The following SPMIP4 variants were observed in gnomAD, a reference collection of about 807,000 sequenced individuals.
SPMIP4 encodes sperm-associated microtubule inner protein 4.
the SPMIP4 span, among the ~76,000 whole-genome samples, chr7:25,133,507 C>A: frequency 7.9e-5 from 12 of 152,252 alleles, no homozygotes; most frequent in Non-Finnish European, 2.9e-5. Context: ...CCAAAGTGGT[C>A]ATATTTAGAA....
chr7:25,136,104 A>AGG, the SPMIP4 span: 1 of 1,614,144 alleles, frequency 6.2e-7, no homozygotes, highest in Non-Finnish European at 8.5e-7. The surrounding 1 kb of genome is among the most constrained non-coding windows in gnomAD (Gnocchi z 5.7). Context: ...TTTTTGAAAA[A>AGG]GAGTTCTTAA....
At chr7:25,149,854 T>C in the SPMIP4 span, among the ~76,000 whole-genome samples, 4 of 152,324 alleles carry the variant, frequency 2.6e-5, no homozygotes, top group South Asian at 2.1e-4. Flanking sequence ...GTTTTATGAA[T>C]TGAAGCTCAG....
At chr7:25,173,782 C>G in the SPMIP4 span, among the ~76,000 whole-genome samples, 2 of 152,144 alleles carry the variant, frequency 1.3e-5, no homozygotes, top group East Asian at 3.8e-4. The surrounding 1 kb of genome is among the most constrained non-coding windows in gnomAD (Gnocchi z 4.4). Flanking sequence ...ATCTGACCCC[C>G]GTATATTACA....
the SPMIP4 span, among the ~76,000 whole-genome samples, chr7:25,166,228 G>C: frequency 1.3e-5 from 1 of 75,802 alleles, no homozygotes; most frequent in Non-Finnish European, 3.6e-5. Flanking sequence ...CTTTCTTTCC[G>C]TCTTCTTTTT....
chr7:25,150,738 C>T, the SPMIP4 span, among the ~76,000 whole-genome samples: 740 of 152,312 alleles, frequency 4.9e-3, 29 homozygotes, highest in Admixed American at 0.042. Context: ...AACCAGATTT[C>T]TGTGATCATG....
At chr7:25,162,860 C>T in the SPMIP4 span, among the ~76,000 whole-genome samples, 1 of 152,126 alleles carries the variant, frequency 6.6e-6, no homozygotes, top group South Asian at 2.1e-4. Flanking sequence ...CAACTTCTAC[C>T]TCCTGGGTTC....
chr7:25,142,213 T>A, the SPMIP4 span: 2 of 1,557,148 alleles, frequency 1.3e-6, no homozygotes, highest in South Asian at 1.1e-5. Context: ...TCCCCCAAAA[T>A]AACTGAGAGT....
chr7:25,161,584 T>G, the SPMIP4 span, among the ~76,000 whole-genome samples: 1 of 150,496 alleles, frequency 6.6e-6, no homozygotes, highest in Non-Finnish European at 1.5e-5. Context: ...TTTTCTTTTT[T>G]AAAATGTTAG....
chr7:25,127,037 A>G, the SPMIP4 span, among the ~76,000 whole-genome samples: 4 of 152,238 alleles, frequency 2.6e-5, no homozygotes, highest in South Asian at 2.1e-4. Context: ...AGTTCCACTG[A>G]TAAGTTTGCT....
the SPMIP4 span, among the ~76,000 whole-genome samples, chr7:25,144,308 A>G: frequency 6.6e-6 from 1 of 152,212 alleles, no homozygotes; most frequent in Non-Finnish European, 1.5e-5. Flanking sequence ...AACCTGGAAG[A>G]CCAGGTTTAA....
At chr7:25,130,866 G>A in the SPMIP4 span, among the ~76,000 whole-genome samples, 3 of 152,256 alleles carry the variant, frequency 2.0e-5, no homozygotes, top group Non-Finnish European at 2.9e-5. Flanking sequence ...AAATAGCTAT[G>A]TCAGATTTAT....
chr7:25,150,652 CTT>C, the SPMIP4 span, among the ~76,000 whole-genome samples: 1 of 152,168 alleles, frequency 6.6e-6, no homozygotes, highest in Non-Finnish European at 1.5e-5. Flanking sequence ...TATTTTCCCT[CTT>C]GATTTATAAT....
chr7:25,132,015 G>A, the SPMIP4 span, among the ~76,000 whole-genome samples: 1 of 152,168 alleles, frequency 6.6e-6, no homozygotes, highest in African/African-American at 2.4e-5. This position sits in a 1 kb window ranked among gnomAD's most constrained non-coding sequence, Gnocchi z 5.0. Context: ...AACAAACATG[G>A]ACCAGAAGAG....
At chr7:25,178,804 C>G in the SPMIP4 span, among the ~76,000 whole-genome samples, 5 of 152,024 alleles carry the variant, frequency 3.3e-5, no homozygotes, top group African/African-American at 1.2e-4. Context: ...TTTGGGAGGC[C>G]GAGGTGGGTG....
At chr7:25,126,747 G>C in the SPMIP4 span, among the ~76,000 whole-genome samples, 1 of 152,166 alleles carries the variant, frequency 6.6e-6, no homozygotes, top group African/African-American at 2.4e-5. Context: ...ATAATATTGT[G>C]TGTTTTTCTG....
chr7:25,138,142 A>T, the SPMIP4 span, among the ~76,000 whole-genome samples: 35,960 of 151,208 alleles, frequency 0.24, 4,827 homozygotes, highest in East Asian at 0.31. This position sits in a 1 kb window ranked among gnomAD's most constrained non-coding sequence, Gnocchi z 6.2. Flanking sequence ...ATAATCTTTT[A>T]AAAAAATTCA....
the SPMIP4 span, chr7:25,125,998 G>C: frequency 2.1e-6 from 2 of 967,290 alleles, no homozygotes; most frequent in Non-Finnish European, 2.5e-6. Flanking sequence ...AAATTAAGAG[G>C]ATGCAATGAT....
chr7:25,146,220 A>G, the SPMIP4 span, among the ~76,000 whole-genome samples: 3 of 152,204 alleles, frequency 2.0e-5, no homozygotes, highest in Non-Finnish European at 4.4e-5. Context: ...GCCTCTAGTC[A>G]GGGCTTGGGA....
chr7:25,130,747 G>A, the SPMIP4 span, among the ~76,000 whole-genome samples: 1 of 152,214 alleles, frequency 6.6e-6, no homozygotes, highest in African/African-American at 2.4e-5. Flanking sequence ...TGGGAAGGAA[G>A]GAGCTATTAT....
Sources: allele counts gnomAD v4.1 joint callset (sites outside exome capture counted in the v4.1 genomes callset), GRCh38; gene constraint gnomAD v4.1.1; non-coding constraint Gnocchi (gnomAD v3.1); transcripts MANE v1.5; gene names NCBI Gene and HGNC (gene_info 2026-07-23, HGNC 2026-07-21).